SEMA3A: variants seen among roughly 807,000 people sequenced by gnomAD.
SEMA3A encodes the protein semaphorin 3A.
A neutral mutation model predicts 97.9 loss-of-function variants in SEMA3A; 29 were observed. That is an observed-to-expected ratio of 0.30 (90% CI 0.22 to 0.40). The LOEUF is 0.40. Among genes scored for constraint, SEMA3A ranks in the 10% least tolerant of loss-of-function variants. The pLI is 1.00. For synonymous variants in SEMA3A, 321 were observed against 323.7 expected (o/e 0.99, Z 0.09); for missense variants, 763 against 951.3 (o/e 0.80, Z 2.60).
chr7:84,468,022 T>C (rs899286918), intron 1 of SEMA3A, among the ~76,000 whole-genome samples: 2 of 152,182 alleles, frequency 1.3e-5, no homozygotes, highest in Admixed American at 1.3e-4. Context: ...TGATAGACTG[T>C]ACGTAGGCTC....
chr7:84,335,157 A>G (rs1802006572), intron 2 of SEMA3A, among the ~76,000 whole-genome samples: 1 of 151,998 alleles, frequency 6.6e-6, no homozygotes, highest in Non-Finnish European at 1.5e-5. Context: ...AGAATTTCCT[A>G]TTGATTTTTG....
At chr7:84,265,476 CTT>C (rs1491239030) in intron 3 of SEMA3A, among the ~76,000 whole-genome samples, 1 of 144,636 alleles carries the variant, frequency 6.9e-6, no homozygotes, top group Admixed American at 7.0e-5. Context: ...ATGAATATAT[CTT>C]ATATATAAAA....
chr7:84,407,315 G>A (rs7457427), intron 1 of SEMA3A, among the ~76,000 whole-genome samples: 69,650 of 151,858 alleles, frequency 0.46, 17,631 homozygotes, highest in East Asian at 0.79. Context: ...AGAATACAAT[G>A]CCTAGGAATA....
chr7:84,201,517 T>C (rs1798357365), intron 3 of SEMA3A, among the ~76,000 whole-genome samples: 1 of 152,046 alleles, frequency 6.6e-6, no homozygotes. Flanking sequence ...CGCCCCCCAA[T>C]GTGTAGAGTA....
At chr7:84,055,944 G>T (rs1792956887) in intron 5 of SEMA3A, among the ~76,000 whole-genome samples, 2 of 152,088 alleles carry the variant, frequency 1.3e-5, no homozygotes, top group East Asian at 1.9e-4. Context: ...TTAAATTGAT[G>T]GTAGAATCAT....
chr7:84,208,703 G>A (rs944399757), intron 3 of SEMA3A, among the ~76,000 whole-genome samples: 1 of 152,178 alleles, frequency 6.6e-6, no homozygotes, highest in African/African-American at 2.4e-5. Context: ...ACAAACTCAT[G>A]AGCGATTTCT....
intron 2 of SEMA3A, among the ~76,000 whole-genome samples, chr7:84,320,740 TG>T (rs1174352356): frequency 2.6e-5 from 4 of 152,208 alleles, no homozygotes; most frequent in African/African-American, 9.6e-5. Flanking sequence ...TTATACAATG[TG>T]GGATTGTCAT....
chr7:84,024,399 A>C (rs1373380903), intron 6 of SEMA3A, among the ~76,000 whole-genome samples: 1 of 151,128 alleles, frequency 6.6e-6, no homozygotes, highest in Non-Finnish European at 1.5e-5. Flanking sequence ...AAAAAAAATT[A>C]GACGAGTATG....
chr7:84,149,501 G>T (rs1796563692), intron 1 of SEMA3A, among the ~76,000 whole-genome samples: 1 of 152,114 alleles, frequency 6.6e-6, no homozygotes, highest in Admixed American at 6.6e-5. Context: ...CACACCTCTG[G>T]GTTGGAAAGG....
At chr7:84,198,282 A>T (rs1465227786), upstream of SEMA3A, among the ~76,000 whole-genome samples, 1 of 149,384 alleles carries the variant, frequency 6.7e-6, no homozygotes, top group Non-Finnish European at 1.5e-5. Flanking sequence ...CGCAACCTCC[A>T]CCTCCTGGTT....
intron 1 of SEMA3A, among the ~76,000 whole-genome samples, chr7:84,454,549 A>C (rs914292256): frequency 1.3e-5 from 2 of 152,162 alleles, no homozygotes; most frequent in Non-Finnish European, 2.9e-5. Context: ...ATTCATGACA[A>C]CAATAGCATG....
At chr7:84,055,362 T>A (rs1052079890) in intron 5 of SEMA3A, among the ~76,000 whole-genome samples, 12 of 152,186 alleles carry the variant, frequency 7.9e-5, no homozygotes, top group Admixed American at 7.9e-4. Context: ...CGAGACTCCG[T>A]GGGCGTAGGA....
intron 2 of SEMA3A, among the ~76,000 whole-genome samples, chr7:84,322,080 C>G (rs1230291771): frequency 6.6e-6 from 1 of 151,406 alleles, no homozygotes; most frequent in South Asian, 2.1e-4. Flanking sequence ...AAATGTCAAA[C>G]ACTTACAAAA....
In SEMA3A at chr7:83,985,468, C is replaced by T. The variant is rs754229301; in HGVS notation, c.1462G>A (p.Ala488Thr). The change falls in exon 13 of 17, where the codon GCT (alanine) becomes ACT (threonine). Residue 488 changes from alanine (A) to threonine (T), a missense_variant. Coordinates refer to ENST00000265362, the MANE Select transcript of SEMA3A (RefSeq NM_006080.3). The part of the protein sequence containing the change: ...EEMTVFREPT[A>T]ISAMELSTKQ... ...GTGGAAAGCTCCATTGCTGAAATAG[C>T]AGTCGGTTCCTAAAGGAGAAAAAGA... 1 of 1,609,002 alleles carries T rather than the reference C, an allele frequency of 6.2e-7. No individual in the cohort carries two copies. Among genetic ancestry groups the T allele is most frequent in the Non-Finnish European group, 8.5e-7 (1 of 1,176,670 alleles).
chr7:84,486,771 A>G (rs1158893175), intron 1 of SEMA3A, among the ~76,000 whole-genome samples: 4 of 152,212 alleles, frequency 2.6e-5, no homozygotes, highest in African/African-American at 9.6e-5. Flanking sequence ...ACAGAAATGC[A>G]TCGCATAGTT....
chr7:84,457,209 T>C (rs1805707519), intron 1 of SEMA3A, among the ~76,000 whole-genome samples: 1 of 151,782 alleles, frequency 6.6e-6, no homozygotes, highest in South Asian at 2.1e-4. Context: ...TTTTCTAGTT[T>C]TCCTGAGTCA....
intron 3 of SEMA3A, among the ~76,000 whole-genome samples, chr7:84,120,058 G>A (rs76018364): frequency 0.021 from 3,218 of 150,572 alleles, 107 homozygotes; most frequent in African/African-American, 0.074. Context: ...TCTGAAAGAT[G>A]TTTATAAAAT....
At chr7:84,111,043 G>A (rs1205743930) in intron 3 of SEMA3A, among the ~76,000 whole-genome samples, 1 of 152,006 alleles carries the variant, frequency 6.6e-6, no homozygotes, top group East Asian at 1.9e-4. Flanking sequence ...AATATAATAT[G>A]ACCCTCTAAT....
intron 12 of SEMA3A, among the ~76,000 whole-genome samples, chr7:83,987,096 ATATAT>A (rs1789666677): frequency 6.7e-6 from 1 of 149,696 alleles, no homozygotes; most frequent in South Asian, 2.1e-4. Context: ...ATCTTATCTA[ATATAT>A]TATTAATAAT....
Sources: gnomAD v4.1 joint callset for allele counts (sites outside exome capture counted in the v4.1 genomes callset) on GRCh38, gnomAD v4.1.1 for gene constraint, MANE v1.5 for transcripts, NCBI Gene and HGNC (gene_info 2026-07-23, HGNC 2026-07-21) for gene names.